SLC22A9: variants seen among roughly 807,000 people sequenced by gnomAD.
SLC22A9 encodes the protein solute carrier family 22 member 9.
In SLC22A9, 64 loss-of-function variants were observed where a neutral mutation model predicts 50.1. That is an observed-to-expected ratio of 1.28 (90% CI 1.04 to 1.57). The LOEUF (loss-of-function observed/expected upper bound fraction) is 1.57, where lower values mean the gene tolerates loss of function less well. Ranked by LOEUF, SLC22A9 falls within the 40% of genes most tolerant of loss-of-function variation. The pLI, the probability that SLC22A9 is intolerant of heterozygous loss-of-function variation, is 0.00. For synonymous variants in SLC22A9, 261 were observed against 242.5 expected, an observed-to-expected ratio of 1.08 and a Z score of -0.71; for missense variants, 757 against 676.1, an observed-to-expected ratio of 1.12 and a Z score of -1.33.
chr11:63,405,880 C>T (rs1480205965), intron 6 of SLC22A9, among the ~76,000 whole-genome samples: 1 of 152,146 alleles, frequency 6.6e-6, no homozygotes, highest in Non-Finnish European at 1.5e-5. Context: ...TAGTTTAATC[C>T]TCCATAAAAC....
chr11:63,378,409 G>A (rs78720106), intron 5 of SLC22A9, among the ~76,000 whole-genome samples: 2 of 151,954 alleles, frequency 1.3e-5, no homozygotes, highest in East Asian at 3.9e-4. Context: ...ACAAACCCAA[G>A]CCAAGATCAT....
At chr11:63,385,387 A>G (rs1468432522) in intron 6 of SLC22A9, among the ~76,000 whole-genome samples, 1 of 152,114 alleles carries the variant, frequency 6.6e-6, no homozygotes, top group African/African-American at 2.4e-5. Flanking sequence ...TTTGGGCAGT[A>G]TGGCCATTTT....
intron 7 of SLC22A9, among the ~76,000 whole-genome samples, chr11:63,407,072 C>T (rs1223134989): frequency 6.6e-6 from 1 of 152,150 alleles, no homozygotes; most frequent in African/African-American, 2.4e-5. Context: ...AACATGAGGA[C>T]ATAATACTGC....
chr11:63,378,251 A>G (rs2014499098), intron 5 of SLC22A9, among the ~76,000 whole-genome samples: 1 of 136,384 alleles, frequency 7.3e-6, no homozygotes, highest in South Asian at 2.1e-4. Context: ...TTAAAAAAAG[A>G]AAAACCAGAC....
intron 6 of SLC22A9, among the ~76,000 whole-genome samples, chr11:63,387,120 T>A (rs961990628): frequency 1.3e-5 from 2 of 151,932 alleles, no homozygotes; most frequent in Non-Finnish European, 2.9e-5. Flanking sequence ...TTTCAAAGAA[T>A]TTGCAGAAGG....
rs186385943 is a variant in SLC22A9 at position 63,389,343 on chromosome 11, C to T, written c.1073+7066C>T. ...GCTATCCCTCCCCCTTCCCCCAACC[C>T]CCGACAGGCCCCAGTGTGTGATGTT... On this transcript the variant is annotated intron_variant, in intron 6 of 9. Coordinates refer to ENST00000279178, the MANE Select transcript of SLC22A9 (RefSeq NM_080866.3). Among the ~76,000 whole-genome samples, 378 of 151,912 alleles carry T rather than the reference C, an allele frequency of 2.5e-3. 5 individuals carry two copies. The highest frequency in any genetic ancestry group is 0.014 in the Middle Eastern group (4 of 294).
At chr11:63,392,459 A>G (rs1225108610) in intron 6 of SLC22A9, among the ~76,000 whole-genome samples, 1 of 151,830 alleles carries the variant, frequency 6.6e-6, no homozygotes, top group Non-Finnish European at 1.5e-5. Flanking sequence ...TTTCTCCTTC[A>G]TGTTTGAGGC....
At chr11:63,384,472 G>A (rs556048930) in intron 6 of SLC22A9, among the ~76,000 whole-genome samples, 18 of 152,020 alleles carry the variant, frequency 1.2e-4, no homozygotes, top group Non-Finnish European at 1.8e-4. Context: ...GGACATGATC[G>A]CATTTTTTTT....
intron 6 of SLC22A9, among the ~76,000 whole-genome samples, chr11:63,399,155 A>C (rs1000074203): frequency 2.6e-5 from 4 of 152,198 alleles, no homozygotes; most frequent in Admixed American, 6.5e-5. Context: ...AGGACTTACA[A>C]AGTAACCACA....
intron 5 of SLC22A9, among the ~76,000 whole-genome samples, chr11:63,377,084 T>C (rs921379063): frequency 6.6e-6 from 1 of 152,088 alleles, no homozygotes; most frequent in African/African-American, 2.4e-5. Context: ...CTTAGATAAA[T>C]CATACAATGA....
chr11:63,410,039 G>A lies in SLC22A9; in HGVS notation c.*177G>A. 2 of 554,876 alleles carry A rather than the reference G, an allele frequency of 3.6e-6. No individual in the cohort carries two copies. Among genetic ancestry groups the A allele is most frequent in the Non-Finnish European group, 6.3e-6 (2 of 319,758 alleles). 34.4% of individuals were successfully genotyped at this position (554,876 alleles called of 1,614,324 possible). ...GCAGATCATGAGGTCAGAAGATAAA[G>A]ACCACCCTGGCCAACATGGTGAAAC... On this transcript the variant is annotated 3_prime_UTR_variant, in exon 10 of 10. Transcript: ENST00000279178.
rs765961866 is a variant in SLC22A9 at position 63,406,646 on chromosome 11, C to G, written c.1223C>G (p.Ala408Gly). The G allele has an allele frequency of 1.1e-5, 18 of 1,613,670 alleles. No individual in the cohort carries two copies. The highest frequency in any genetic ancestry group is 1.3e-5 in the Non-Finnish European group (15 of 1,179,848). Residue 408 changes from alanine (A) to glycine (G), a missense_variant, in exon 7 of 10, where the codon GCA becomes GGA. Coordinates refer to ENST00000279178, the MANE Select transcript of SLC22A9 (RefSeq NM_080866.3). ...PWALKYMNRR[A>G]SQMLLMFLLA... ...GCACTGAAATACATGAACCGTCGAG[C>G]AAGCCAGATGCTTCTCATGTTCCTA... is the stretch of plus-strand genomic sequence containing the variant.
rs1320625336 is a variant in SLC22A9 at position 63,373,786 on chromosome 11, A to T, written c.649A>T (p.Thr217Ser). Residue 217 changes from threonine (T) to serine (S), a missense_variant, in exon 3 of 10, where the codon ACT (threonine) becomes TCT (serine). Transcript: ENST00000279178. ...GIAAMSLITN[T>S]IMLIAEWATH... ...TGCTGCAATGAGCCTCATAACAAAT[A>T]CTATTATGTTAAGTAAGCCAACACT... 3 of 1,607,928 alleles carry T rather than the reference A, an allele frequency of 1.9e-6. No homozygotes were observed. Among genetic ancestry groups the T allele is most frequent in the Non-Finnish European group, 2.5e-6 (3 of 1,177,758 alleles).
At position 63,410,095 on chromosome 11, in the gene SLC22A9, C is replaced by G. The variant is rs192478604; in HGVS notation, c.*233C>G. 2.6e-6 allele frequency: 1 copy of G among 378,036 alleles called. No individual in the cohort carries two copies. The highest frequency in any genetic ancestry group is 4.9e-6 in the Non-Finnish European group (1 of 204,388). The allele number at this position is 378,036 out of a possible 1,614,324, so 23.4% of individuals were successfully genotyped here. A position where few individuals can be genotyped will look rare whatever the true frequency, so the allele number is the denominator to read the frequency against. The stretch of plus-strand genomic sequence containing the variant: ...CTCTACTAAAACAAATACAAAACTT[C>G]GCTGGGCACAGTGGCACAGGCCTTT... On this transcript the variant is annotated 3_prime_UTR_variant, in exon 10 of 10. Transcript: ENST00000279178.
chr11:63,408,606 A>G (rs2015080902), intron 8 of SLC22A9, 70 bp from the exon 9 acceptor site: 1 of 1,425,294 alleles, frequency 7.0e-7, no homozygotes, highest in Non-Finnish European at 9.8e-7. Context: ...AATTAGAGCA[A>G]AATGATAAAT....
rs149535094 is a variant in SLC22A9, at chr11:63,382,489, C to T, written c.1073+212C>T. On this transcript the variant is annotated intron_variant, in intron 6 of 9. Coordinates refer to ENST00000279178, the MANE Select transcript of SLC22A9 (RefSeq NM_080866.3). ...GCAATAGTTTTTGTTTATCGCAACA[C>T]CCTATCAGGCTCTTCACTGGACACC... Among the ~76,000 whole-genome samples, 13 of 152,284 alleles carry T rather than the reference C, an allele frequency of 8.5e-5. No individual in the cohort carries two copies. In the East Asian group the frequency reaches 2.3e-3, roughly 27 times the overall value.
intron 1 of SLC22A9, 45 bp from the exon 2 acceptor site, chr11:63,371,090 C>G: frequency 7.1e-7 from 1 of 1,411,984 alleles, no homozygotes. Flanking sequence ...TCAAGTTACA[C>G]TGAGGGGTAA....
chr11:63,392,271 T>G (rs966609188), intron 6 of SLC22A9, among the ~76,000 whole-genome samples: 1 of 152,104 alleles, frequency 6.6e-6, no homozygotes, highest in Non-Finnish European at 1.5e-5. Flanking sequence ...AGTGTTATAC[T>G]ATTCTGTGTT....
chr11:63,371,056 G>T, intron 1 of SLC22A9, 79 bp from the exon 2 acceptor site: 3 of 1,020,878 alleles, frequency 2.9e-6, no homozygotes, highest in Non-Finnish European at 4.4e-6. Context: ...TAGGAAACTT[G>T]CAGATCATGC....
Sources: gnomAD v4.1 joint callset for allele counts (sites outside exome capture counted in the v4.1 genomes callset) on GRCh38, gnomAD v4.1.1 for gene constraint, MANE v1.5 for transcripts, NCBI Gene and HGNC (gene_info 2026-07-23, HGNC 2026-07-21) for gene names.